PITPNM3: variants seen among roughly 807,000 people sequenced by gnomAD.
The protein encoded by PITPNM3 is PITPNM family member 3.
Under a neutral mutation model 102.0 loss-of-function variants are expected in PITPNM3, and 26 were observed. The ratio of observed to expected loss-of-function variants is 0.25; its 90% CI spans 0.19 to 0.35. The LOEUF is 0.35. PITPNM3 is among the 10% of genes least tolerant of loss of function. PITPNM3 has a pLI of 1.00. For missense variants in PITPNM3, 1,083 were observed against 1,346.1 expected (o/e 0.80, Z 3.06); for synonymous variants, 578 against 558.6 (o/e 1.03, Z -0.49).
At chr17:6,460,152 C>G (rs1904374532) in intron 18 of PITPNM3, among the ~76,000 whole-genome samples, 1 of 152,200 alleles carries the variant, frequency 6.6e-6, no homozygotes, top group Admixed American at 6.5e-5. Context: ...CTGATGACCT[C>G]TGAGGGCTCA....
intron 4 of PITPNM3, among the ~76,000 whole-genome samples, chr17:6,502,760 G>A (rs1216373320): frequency 6.6e-6 from 1 of 152,190 alleles, no homozygotes; most frequent in Non-Finnish European, 1.5e-5. Context: ...ACATATGGAA[G>A]TCAATACTGC....
At position 6,461,364 on chromosome 17, in the gene PITPNM3, G is replaced by A; in HGVS notation, c.2490+9C>T. The A allele has an allele frequency of 6.2e-7, 1 of 1,613,626 alleles. No individual in the cohort carries two copies. The highest frequency in any genetic ancestry group is 8.5e-7 in the Non-Finnish European group (1 of 1,179,876). On this transcript the variant is annotated intron_variant, in intron 18 of 19. Coordinates refer to ENST00000262483, the MANE Select transcript of PITPNM3 (RefSeq NM_031220.4). ...GCCATGGAGTCCCCACCCCAGGATG[G>A]CCACTCACCTCCTGCATGAGGTTGC...
In PITPNM3 at chr17:6,556,540, C is replaced by T; in HGVS notation, c.-134G>A. On this transcript the variant is annotated 5_prime_UTR_variant, in exon 1 of 20. Coordinates refer to ENST00000262483, the MANE Select transcript of PITPNM3 (RefSeq NM_031220.4). This position sits in a 1 kb window ranked among gnomAD's most constrained non-coding sequence, Gnocchi z 5.2. ...CCGCCCCGCTCGCCTCGGCTGCCGC[C>T]ACCGCAGCCGCCGCCGCCTCGCCGC... 3 of 517,732 alleles carry T rather than the reference C, an allele frequency of 5.8e-6. No homozygotes were observed. The highest frequency in any genetic ancestry group is 7.4e-6 in the Non-Finnish European group (3 of 403,594). The allele number at this position is 517,732 out of a possible 1,614,324, so 32.1% of individuals were successfully genotyped here.
intron 14 of PITPNM3, among the ~76,000 whole-genome samples, chr17:6,467,087 A>AAAC (rs1904822342): frequency 6.6e-6 from 1 of 151,288 alleles, no homozygotes; most frequent in Non-Finnish European, 1.5e-5. Flanking sequence ...AAACCAAAAA[A>AAAC]AAAAAACAGG....
chr17:6,552,185 T>C (rs1262203126), intron 1 of PITPNM3, among the ~76,000 whole-genome samples: 1 of 152,124 alleles, frequency 6.6e-6, no homozygotes, highest in Non-Finnish European at 1.5e-5. Context: ...AACTGGTTCC[T>C]CCAGCCTGGG....
chr17:6,466,060 G>A (rs1203011440), intron 14 of PITPNM3, among the ~76,000 whole-genome samples: 6 of 152,142 alleles, frequency 3.9e-5, no homozygotes, highest in Non-Finnish European at 5.9e-5. Flanking sequence ...TTGCCTGAAC[G>A]ACCTCTTCAG....
chr17:6,499,852 TC>T (rs1418292822), intron 4 of PITPNM3, among the ~76,000 whole-genome samples: 3 of 152,132 alleles, frequency 2.0e-5, no homozygotes, highest in Admixed American at 6.6e-5. Context: ...TGCCTCAGCC[TC>T]CCAAGTAGCT....
intron 1 of PITPNM3, among the ~76,000 whole-genome samples, chr17:6,546,331 C>T (rs1341124401): frequency 6.6e-6 from 1 of 152,248 alleles, no homozygotes; most frequent in Non-Finnish European, 1.5e-5. Flanking sequence ...TCCTGGAGAA[C>T]CCCGGAAGAA....
intron 15 of PITPNM3, 82 bp from the exon 16 acceptor site, chr17:6,464,400 G>A: frequency 1.4e-6 from 2 of 1,452,614 alleles, no homozygotes; most frequent in South Asian, 2.3e-5. Flanking sequence ...GGGGAACTCT[G>A]GGCTGAGGTC....
At chr17:6,499,331 A>G (rs889738504) in intron 4 of PITPNM3, among the ~76,000 whole-genome samples, 1 of 152,070 alleles carries the variant, frequency 6.6e-6, no homozygotes, top group African/African-American at 2.4e-5. Flanking sequence ...AGCCCTTGCA[A>G]CCTCATACCT....
intron 4 of PITPNM3, among the ~76,000 whole-genome samples, chr17:6,494,177 T>C (rs1906660422): frequency 6.6e-6 from 1 of 152,158 alleles, no homozygotes; most frequent in East Asian, 1.9e-4. Context: ...GTAAAGTGAT[T>C]TCTCTCAAGA....
chr17:6,471,299 G>T lies in PITPNM3; in HGVS notation c.1486C>A (p.Pro496Thr), dbSNP rs1224738705. ...GAGGCAGGGGCATCCAGAAGTGGCG[G>T]GCTGTCCCGGGAGCTGCCCTCCAGG... Reference protein sequence around the residue: ...LFLEGSSRDSPPLLDAPASPP... With the variant: ...LFLEGSSRDSTPLLDAPASPP... The change falls in exon 12 of 20, where the codon CCG becomes ACG. Residue 496 changes from proline (P) to threonine (T), a missense_variant. Around this residue, in one of 5 missense-constraint regions of PITPNM3, gnomAD observed 410 missense variants for 638.4 expected, o/e 0.64. Coordinates refer to ENST00000262483, the MANE Select transcript of PITPNM3 (RefSeq NM_031220.4). The T allele has an allele frequency of 6.2e-7, 1 of 1,611,418 alleles. No homozygotes were observed. Among genetic ancestry groups the T allele is most frequent in the Middle Eastern group, 1.7e-4 (1 of 6,038 alleles).
chr17:6,478,181 C>G lies in PITPNM3; in HGVS notation c.778-84G>C. On this transcript the variant is annotated intron_variant, in intron 7 of 19. Coordinates refer to ENST00000262483, the MANE Select transcript of PITPNM3 (RefSeq NM_031220.4). The surrounding 1 kb of genome is among the most constrained non-coding windows in gnomAD (Gnocchi z 4.4). ...CCCGGCCAGAGCAGTGCTGCCTCCCCACAGGAGAATGAGAAACTCGTCCTT... is the reference window on the plus strand; with the variant it reads ...CCCGGCCAGAGCAGTGCTGCCTCCCGACAGGAGAATGAGAAACTCGTCCTT... The G allele has an allele frequency of 6.3e-7, 1 of 1,593,008 alleles. No individual in the cohort carries two copies.
chr17:6,551,859 G>A (rs950338458), intron 1 of PITPNM3, among the ~76,000 whole-genome samples: 11 of 151,946 alleles, frequency 7.2e-5, no homozygotes, highest in Non-Finnish European at 1.0e-4. Flanking sequence ...GAGAAGTCTC[G>A]CTTTGGGAGG....
chr17:6,470,125 A>AT lies in PITPNM3; in HGVS notation c.1773+134dup. On this transcript the variant is annotated intron_variant, in intron 13 of 19. Coordinates refer to ENST00000262483, the MANE Select transcript of PITPNM3 (RefSeq NM_031220.4). The surrounding 1 kb of genome is among the most constrained non-coding windows in gnomAD (Gnocchi z 4.8). ...ACTCCCCACTCACGTAGGTGCTCCA[A>AT]TGCCTTCCTCATGCTCTTAGGATCA... 9.5e-7 allele frequency: 1 copy of AT among 1,051,454 alleles called. No homozygotes were observed. Among genetic ancestry groups the AT allele is most frequent in the Admixed American group, 2.0e-5 (1 of 49,920 alleles). 65.1% of individuals were successfully genotyped at this position (1,051,454 alleles called of 1,614,324 possible). A position where few individuals can be genotyped will look rare whatever the true frequency, so the allele number is the denominator to read the frequency against.
rs116510092 is a variant in PITPNM3 at position 6,497,010 on chromosome 17, G to A, written c.274+6517C>T. The stretch of plus-strand genomic sequence containing the variant: ...CACACACACACAAACGAGAAGGAAC[G>A]ATGCCAAGCAGAGACACACACACAC... On this transcript the variant is annotated intron_variant, in intron 4 of 19. Transcript: ENST00000262483. Among the ~76,000 whole-genome samples the A allele has an allele frequency of 6.0e-3, 910 of 152,214 alleles. 9 individuals carry two copies. The highest frequency in any genetic ancestry group is 0.021 in the African/African-American group (869 of 41,532).
At chr17:6,483,802 G>A in intron 5 of PITPNM3, 50 bp from the exon 6 acceptor site, 3 of 1,532,746 alleles carry the variant, frequency 2.0e-6, no homozygotes, top group Non-Finnish European at 2.7e-6. Context: ...CTGGGGTCGG[G>A]GGAGGCACAC....
Position 6,513,861 on chromosome 17 carries a change from C to A in PITPNM3, c.227-10287G>T, listed in dbSNP as rs147580843. On this transcript the variant is annotated intron_variant, in intron 3 of 19. Coordinates refer to ENST00000262483, the MANE Select transcript of PITPNM3 (RefSeq NM_031220.4). ...AAAGAAGAACAAAGCTAGTGGACCC[C>A]CACTTCCTGATTTCAAACTTACTGC... Among the ~76,000 whole-genome samples, 13 of 152,286 alleles carry A rather than the reference C, an allele frequency of 8.5e-5. No individual in the cohort carries two copies. The East Asian group carries it at 2.5e-3, about 29-fold the overall frequency.
intron 19 of PITPNM3, among the ~76,000 whole-genome samples, chr17:6,456,339 C>T (rs1050452050): frequency 2.0e-4 from 31 of 152,134 alleles, no homozygotes; most frequent in African/African-American, 6.8e-4. Context: ...GGTGGGGAAG[C>T]GCCCATCCTT....
Sources: allele counts gnomAD v4.1 joint callset (sites outside exome capture counted in the v4.1 genomes callset), GRCh38; gene constraint gnomAD v4.1.1; regional missense constraint gnomAD v4.1.1; non-coding constraint Gnocchi (gnomAD v3.1); transcripts MANE v1.5; gene names NCBI Gene and HGNC (gene_info 2026-07-23, HGNC 2026-07-21).